Variants in RP1L1 observed in about 807,000 individuals in gnomAD.
RP1L1 encodes retinitis pigmentosa 1-like 1 protein.
RP1L1 carries 27 observed loss-of-function variants against 15.7 expected under a neutral mutation model. That is an observed-to-expected ratio of 1.72 (90% confidence interval 1.27 to 2.38). The LOEUF is 2.38. RP1L1 is among the 30% of genes most tolerant of loss of function. The probability of loss-of-function intolerance (pLI) is 0.00; values close to 1 mark genes in which losing one functional copy is unlikely to be tolerated. For missense variants in RP1L1, 4,798 were observed against 3,075.9 expected (o/e 1.56, Z -13.24); for synonymous variants, 1,813 against 1,276.7 (o/e 1.42, Z -8.96).
intron 1 of RP1L1, among the ~76,000 whole-genome samples, chr8:10,636,616 G>A (rs1011766153): frequency 3.9e-5 from 6 of 152,162 alleles, no homozygotes; most frequent in African/African-American, 1.4e-4. Context: ...GCAACAGGAA[G>A]AACTGTTGTT....
At position 10,612,672 on chromosome 8, in the gene RP1L1, G is replaced by C; in HGVS notation, c.1426C>G (p.Pro476Ala). 1 of 1,601,752 alleles carries C rather than the reference G, an allele frequency of 6.2e-7. No homozygotes were observed. Among genetic ancestry groups the C allele is most frequent in the Non-Finnish European group, 8.5e-7 (1 of 1,177,768 alleles). The change falls in exon 4 of 4, where the codon CCG (proline) becomes GCG (alanine). Residue 476 changes from proline (P) to alanine (A), a missense_variant. Transcript: ENST00000382483. ...EPESSCCPRT[P>A]EDGVDSASPS... ...CTGGCACTGTCCACCCCGTCCTCCGGGGTCCTGGGGCAGCAGGAGGACTCT... is the reference window on the plus strand; with the variant it reads ...CTGGCACTGTCCACCCCGTCCTCCGCGGTCCTGGGGCAGCAGGAGGACTCT...
chr8:10,637,000 C>T (rs1336032014), intron 1 of RP1L1, among the ~76,000 whole-genome samples: 1 of 152,242 alleles, frequency 6.6e-6, no homozygotes, highest in Non-Finnish European at 1.5e-5. Context: ...CTACGTGGGG[C>T]CACTCTGCAG....
intron 1 of RP1L1, among the ~76,000 whole-genome samples, chr8:10,641,632 G>T (rs950989665): frequency 3.3e-5 from 5 of 152,268 alleles, no homozygotes; most frequent in Middle Eastern, 3.4e-3. Context: ...ATGTAAAATG[G>T]ACCATGTGAT....
intron 2 of RP1L1, among the ~76,000 whole-genome samples, chr8:10,619,129 C>T (rs1258162173): frequency 6.6e-6 from 1 of 152,206 alleles, no homozygotes; most frequent in Middle Eastern, 3.2e-3. Context: ...CTCGGCCTCC[C>T]AAAGTGCTGG....
chr8:10,613,264 A>G lies in RP1L1; in HGVS notation c.834T>C (p.Pro278=). The G allele has an allele frequency of 6.2e-7, 1 of 1,610,254 alleles. No individual in the cohort carries two copies. The highest frequency in any genetic ancestry group is 8.5e-7 in the Non-Finnish European group (1 of 1,180,012). The stretch of plus-strand genomic sequence containing the variant: ...GGCCCACCGGGGGGTTGCTAGGACC[A>G]GGCCTTTCTGGCAGCCGTGGCGTGC... ...PGSTPRLPER[P]GPSNPPVGPA... Residue 278 remains proline, a synonymous_variant, in exon 4 of 4, where the codon CCT becomes CCC. Transcript: ENST00000382483.
intron 1 of RP1L1, among the ~76,000 whole-genome samples, chr8:10,636,899 T>C (rs976170293): frequency 5.3e-5 from 8 of 152,296 alleles, no homozygotes; most frequent in Non-Finnish European, 1.2e-4. Context: ...ACAAGGACTG[T>C]GGCCAGTCTG....
intron 1 of RP1L1, among the ~76,000 whole-genome samples, chr8:10,633,918 G>A (rs1012210309): frequency 3.9e-5 from 6 of 152,130 alleles, no homozygotes; most frequent in Non-Finnish European, 1.5e-5. Flanking sequence ...ATTGACCGAC[G>A]TGAGGGGAAC....
chr8:10,640,158 C>T (rs1798386239), intron 1 of RP1L1, among the ~76,000 whole-genome samples: 3 of 152,150 alleles, frequency 2.0e-5, no homozygotes, highest in Admixed American at 6.5e-5. Context: ...CTTACACTGG[C>T]CCAAGGGGTA....
rs775378418 is a variant in RP1L1 at position 10,612,884 on chromosome 8, T to A, written c.1214A>T (p.Tyr405Phe). 1 of 1,612,942 alleles carries A rather than the reference T, an allele frequency of 6.2e-7. No homozygotes were observed. ...FGRGGQPGPK[Y>F]EIWTNPLHAS... ...ATGCAGGGGATTCGTCCAGATTTCA[T>A]ACTTGGGCCCTGGCTGCCCGCCTCG... is the stretch of plus-strand genomic sequence containing the variant. The change falls in exon 4 of 4, where the codon TAT (tyrosine) becomes TTT (phenylalanine). Residue 405 changes from tyrosine (Y) to phenylalanine (F), a missense_variant. Physicochemically the swap from Tyr to Phe is conservative, Grantham distance 22 (BLOSUM62 3). Transcript: ENST00000382483.
In RP1L1 at chr8:10,612,138, G is replaced by A. The variant is rs556663940; in HGVS notation, c.1960C>T (p.Pro654Ser). 22 of 1,613,624 alleles carry A rather than the reference G, an allele frequency of 1.4e-5. No individual in the cohort carries two copies. The Admixed American group carries it at 3.2e-4, about 23-fold the overall frequency. Residue 654 changes from proline to serine, a missense_variant, in exon 4 of 4, where the codon CCT becomes TCT. By Grantham distance (74) the Pro-to-Ser change is moderately conservative. Transcript: ENST00000382483. ...RASAMSSPSSPGLGRVAPRGH... is the reference protein window; with the variant it reads ...RASAMSSPSSSGLGRVAPRGH... Reference sequence around the variant, plus strand: ...CTCGGGGCCACTCGGCCAAGGCCAGGGCTGCTGGGTGAGGACATTGCACTG... The same window carrying A: ...CTCGGGGCCACTCGGCCAAGGCCAGAGCTGCTGGGTGAGGACATTGCACTG...
chr8:10,623,262 G>A (rs1355649033), intron 1 of RP1L1, 42 bp from the exon 2 acceptor site: 20 of 1,441,846 alleles, frequency 1.4e-5, no homozygotes, highest in Non-Finnish European at 1.8e-5. Context: ...AGCAGCTTGG[G>A]GGATTGGCAT....
Position 10,611,658 on chromosome 8 carries a change from C to T in RP1L1, c.2440G>A (p.Glu814Lys), listed in dbSNP as rs1797858745. 1 of 1,613,180 alleles carries T rather than the reference C, an allele frequency of 6.2e-7. No individual in the cohort carries two copies. Among genetic ancestry groups the T allele is most frequent in the Non-Finnish European group, 8.5e-7 (1 of 1,179,962 alleles). ...SPLVLQVGRP[E>K]QGAVGPHRSH... ...CGGTGGGGGCCCACCGCCCCTTGCT[C>T]AGGCCGTCCAACCTGCAGAACCAAG... is the stretch of plus-strand genomic sequence containing the variant. The change falls in exon 4 of 4, where the codon GAG becomes AAG. Residue 814 changes from glutamate to lysine, a missense_variant. Glu to Lys is a moderately conservative substitution (Grantham distance 56). Transcript: ENST00000382483.
chr8:10,610,328 C>G lies in RP1L1; in HGVS notation c.3770G>C (p.Cys1257Ser), dbSNP rs763525163. 2.5e-6 allele frequency: 4 copies of G among 1,614,094 alleles called. No homozygotes were observed. The African/African-American group carries it at 5.3e-5, about 22-fold the overall frequency. ...TCGGGCGTTCAAGAAGGTTGGGAAA[C>G]AACACTGCTGTTGGTTTTCCAGATC... is the stretch of plus-strand genomic sequence containing the variant. ...PGDLENQQQC[C>S]FPTFLNARAC... is the part of the protein sequence containing the mutation. The change falls in exon 4 of 4, where the codon TGT (cysteine) becomes TCT (serine). Residue 1257 changes from cysteine to serine, a missense_variant. Transcript: ENST00000382483.
chr8:10,650,570 T>C (rs1798544147), intron 1 of RP1L1, among the ~76,000 whole-genome samples: 3 of 150,862 alleles, frequency 2.0e-5, no homozygotes, highest in Admixed American at 6.6e-5. Context: ...TTTTTTTTTT[T>C]AATTGAGAGG....
chr8:10,635,942 C>T (rs796384620), intron 1 of RP1L1, among the ~76,000 whole-genome samples: 12 of 152,358 alleles, frequency 7.9e-5, no homozygotes, highest in African/African-American at 2.4e-4. Flanking sequence ...AAAACCATCC[C>T]CATGGAAGAG....
chr8:10,607,404 C>T lies in RP1L1; in HGVS notation c.6694G>A (p.Glu2232Lys), dbSNP rs759816713. ...TCTGGCTGGGCCTCCCCTTCAGCCT[C>T]CGGGGTCTCTACGCCTTCTGGCTCT... ...QPEPEGVETP[E>K]AEGEAQPESE... Residue 2232 changes from glutamate to lysine, a missense_variant, in exon 4 of 4, where the codon GAG becomes AAG. Glu to Lys is a moderately conservative substitution (Grantham distance 56). Coordinates refer to ENST00000382483, the MANE Select transcript of RP1L1 (RefSeq NM_178857.6). 2.6e-5 allele frequency: 41 copies of T among 1,593,428 alleles called. No homozygotes were observed. In the Middle Eastern group the frequency reaches 5.0e-4, roughly 19 times the overall value.
At position 10,633,111 on chromosome 8, in the gene RP1L1, G is replaced by A. The variant is rs1438523315; in HGVS notation, c.-19-9891C>T. 2.0e-5 allele frequency among the ~76,000 whole-genome samples: 3 copies of A among 152,196 alleles called. No homozygotes were observed. The East Asian group carries it at 5.8e-4, about 29-fold the overall frequency. On this transcript the variant is annotated intron_variant, in intron 1 of 3. Transcript: ENST00000382483. ...ACGGCGACGTTCCCAGGAGACGGCA[G>A]CAGCGATGACCGCATCTGTGGCTGG... is the stretch of plus-strand genomic sequence containing the variant.
chr8:10,615,093 C>T (rs1283934804), intron 3 of RP1L1, among the ~76,000 whole-genome samples: 2 of 152,180 alleles, frequency 1.3e-5, no homozygotes, highest in African/African-American at 4.8e-5. Flanking sequence ...TGAGACTGGA[C>T]ACTCCTCCAG....
chr8:10,613,359 GA>G lies in RP1L1; in HGVS notation c.752-14del, dbSNP rs1177846986. ...GGCCCCCAGCTCCCTGGCACGCAGT[GA>G]AGAGGAAAAGAAAAGAAGAAAAGAC... On this transcript the variant is annotated splice_polypyrimidine_tract_variant and intron_variant, in intron 3 of 3. Coordinates refer to ENST00000382483, the MANE Select transcript of RP1L1 (RefSeq NM_178857.6). 1 of 1,599,286 alleles carries G rather than the reference GA, an allele frequency of 6.3e-7. No individual in the cohort carries two copies. Among genetic ancestry groups the G allele is most frequent in the Admixed American group, 1.7e-5 (1 of 60,014 alleles).
Sources: allele counts gnomAD v4.1 joint callset (sites outside exome capture counted in the v4.1 genomes callset), GRCh38; gene constraint gnomAD v4.1.1; transcripts MANE v1.5; gene names NCBI Gene and HGNC (gene_info 2026-07-23, HGNC 2026-07-21).